PAK2: variants seen among roughly 807,000 people sequenced by gnomAD.
PAK2 encodes p21 (RAC1) activated kinase 2.
A neutral mutation model predicts 65.9 loss-of-function variants in PAK2; 21 were observed. That is an observed-to-expected ratio of 0.32 (90% CI 0.23 to 0.46). The LOEUF is 0.46. PAK2 is among the 20% of genes least tolerant of loss of function. The pLI is 1.00. For missense variants in PAK2, 324 were observed against 642.6 expected (o/e 0.50, Z 5.36); for synonymous variants, 204 against 219.7 (o/e 0.93, Z 0.63).
At position 196,779,973 on chromosome 3, in the gene PAK2, C is replaced by T. The variant is rs142593678; in HGVS notation, c.-21-2653C>T. ...ACCGCGCCCAGCCGCAATGTTGTTA[C>T]TAAGCTTTGTCTTTCTTCTGTCTGT... On this transcript the variant is annotated intron_variant, in intron 1 of 14. Coordinates refer to ENST00000327134, the MANE Select transcript of PAK2 (RefSeq NM_002577.4). Among the ~76,000 whole-genome samples, 3 of 152,358 alleles carry T rather than the reference C, an allele frequency of 2.0e-5. No homozygotes were observed. In the East Asian group the frequency reaches 5.8e-4, roughly 29 times the overall value.
chr3:196,765,001 C>A (rs540323201), intron 1 of PAK2, among the ~76,000 whole-genome samples: 17 of 151,418 alleles, frequency 1.1e-4, no homozygotes, highest in Admixed American at 1.1e-3. Context: ...CCCGCCACCA[C>A]GCCCAGCTAA....
intron 1 of PAK2, among the ~76,000 whole-genome samples, chr3:196,760,812 G>A (rs1713934582): frequency 6.6e-6 from 1 of 152,226 alleles, no homozygotes; most frequent in South Asian, 2.1e-4. Flanking sequence ...TTTATGAGTC[G>A]TGATTCAAAG....
chr3:196,792,362 C>T (rs1718416), intron 2 of PAK2, among the ~76,000 whole-genome samples: 15,753 of 152,218 alleles, frequency 0.1, 943 homozygotes, highest in South Asian at 0.15. Flanking sequence ...CCTCAAATTA[C>T]TCAAAGTCTA....
intron 7 of PAK2, among the ~76,000 whole-genome samples, chr3:196,809,594 A>G (rs1440177362): frequency 6.7e-6 from 1 of 149,204 alleles, no homozygotes; most frequent in East Asian, 2.0e-4. Flanking sequence ...GAGTCACCAC[A>G]CCTGGCCTGC....
chr3:196,814,633 A>C (rs1715933898), intron 11 of PAK2, 65 bp downstream of exon 11: 1 of 746,224 alleles, frequency 1.3e-6, no homozygotes. Context: ...AACAAAAGGA[A>C]ATTTTTCTGC....
rs144074689 is a variant in PAK2, at chr3:196,749,626, A to C, written c.-22+9469A>C. ...CTGATTTGGGTGAATACCAAGGAGC[A>C]TGATGGCTGGAGTGTATGGTAAGAA... is the stretch of plus-strand genomic sequence containing the variant. On this transcript the variant is annotated intron_variant, in intron 1 of 14. Coordinates refer to ENST00000327134, the MANE Select transcript of PAK2 (RefSeq NM_002577.4). 2.2e-3 allele frequency among the ~76,000 whole-genome samples: 341 copies of C among 152,344 alleles called. 1 individual carries two copies. Among genetic ancestry groups the C allele is most frequent in the African/African-American group, 6.8e-3 (284 of 41,578 alleles).
At chr3:196,741,644 A>G (rs539167958) in intron 1 of PAK2, among the ~76,000 whole-genome samples, 7 of 152,354 alleles carry the variant, frequency 4.6e-5, no homozygotes, top group Non-Finnish European at 8.8e-5. Context: ...GTTTTCACTA[A>G]GTAGCCCATT....
intron 7 of PAK2, 44 bp downstream of exon 7, chr3:196,807,958 T>C (rs749935418): frequency 6.4e-7 from 1 of 1,561,216 alleles, no homozygotes. Flanking sequence ...TGTTCACGGC[T>C]CTTAAAACAT....
intron 1 of PAK2, among the ~76,000 whole-genome samples, chr3:196,744,034 G>A (rs1216874768): frequency 1.3e-5 from 2 of 152,004 alleles, no homozygotes; most frequent in Non-Finnish European, 2.9e-5. Flanking sequence ...ATAAAACATA[G>A]GGTTTTTGAA....
intron 1 of PAK2, among the ~76,000 whole-genome samples, chr3:196,776,517 C>G (rs1391243232): frequency 6.6e-6 from 1 of 152,164 alleles, no homozygotes; most frequent in Non-Finnish European, 1.5e-5. Context: ...TTTGTTGCTA[C>G]TGACACAATT....
At chr3:196,826,351 T>C (rs953144751) in intron 13 of PAK2, among the ~76,000 whole-genome samples, 12 of 152,022 alleles carry the variant, frequency 7.9e-5, no homozygotes, top group Non-Finnish European at 4.4e-5. Context: ...TTTTGTATTT[T>C]TTAGTAGAGA....
intron 1 of PAK2, 135 bp from the exon 2 acceptor site, chr3:196,782,491 T>A (rs1409032195): frequency 1.8e-6 from 1 of 560,180 alleles, no homozygotes. Context: ...CATTGATTTT[T>A]CCAGATTTTG....
chr3:196,814,845 A>G (rs760063917), intron 11 of PAK2, among the ~76,000 whole-genome samples: 11 of 152,150 alleles, frequency 7.2e-5, no homozygotes, highest in Non-Finnish European at 1.6e-4. Context: ...TACCATCCAA[A>G]CAGGACACTT....
At chr3:196,748,382 T>C (rs1362216629) in intron 1 of PAK2, among the ~76,000 whole-genome samples, 3 of 152,172 alleles carry the variant, frequency 2.0e-5, no homozygotes, top group Non-Finnish European at 4.4e-5. Flanking sequence ...GCTCGTATGG[T>C]ATTGTACATT....
chr3:196,799,829 G>T (rs1459960469), intron 2 of PAK2, among the ~76,000 whole-genome samples: 1 of 152,132 alleles, frequency 6.6e-6, no homozygotes, highest in African/African-American at 2.4e-5. Flanking sequence ...GGCCAGATGG[G>T]TCTTGAACTC....
At chr3:196,804,843 AT>A (rs1715535776) in intron 4 of PAK2, among the ~76,000 whole-genome samples, 1 of 150,546 alleles carries the variant, frequency 6.6e-6, no homozygotes, top group African/African-American at 2.5e-5. Context: ...ATATATATAT[AT>A]ACACACACAC....
At chr3:196,811,342 C>CT (rs1560113973) in intron 8 of PAK2, among the ~76,000 whole-genome samples, 5 of 67,136 alleles carry the variant, frequency 7.4e-5, no homozygotes, top group Admixed American at 3.5e-4. Flanking sequence ...CCTCCCTTCC[C>CT]TCCCTTCCTT....
Position 196,791,541 on chromosome 3 carries a change from C to G in PAK2, c.187+8708C>G, listed in dbSNP as rs1715067975. Among the ~76,000 whole-genome samples, 1 of 152,206 alleles carries G rather than the reference C, an allele frequency of 6.6e-6. No individual in the cohort carries two copies. Among genetic ancestry groups the G allele is most frequent in the African/African-American group, 2.4e-5 (1 of 41,454 alleles). ...ACAACAGGAACCAGGAATACTCTTG[C>G]TAGATATGTTATCTCTCACCCTTCT... On this transcript the variant is annotated intron_variant, in intron 2 of 14. Transcript: ENST00000327134. The surrounding 1 kb of genome is among the most constrained non-coding windows in gnomAD (Gnocchi z 4.0).
At chr3:196,804,590 C>CCT (rs1297745972) in intron 4 of PAK2, among the ~76,000 whole-genome samples, 1 of 152,048 alleles carries the variant, frequency 6.6e-6, no homozygotes, top group Non-Finnish European at 1.5e-5. Context: ...GCCTCAGCCT[C>CCT]CTGAGTAGCT....
Sources: allele counts gnomAD v4.1 joint callset (sites outside exome capture counted in the v4.1 genomes callset), GRCh38; gene constraint gnomAD v4.1.1; non-coding constraint Gnocchi (gnomAD v3.1); transcripts MANE v1.5; gene names NCBI Gene and HGNC (gene_info 2026-07-23, HGNC 2026-07-21).